CACNA2D3: variants seen among roughly 807,000 people sequenced by gnomAD.
The protein encoded by CACNA2D3 is voltage-dependent calcium channel subunit alpha-2/delta-3.
CACNA2D3 carries 60 observed loss-of-function variants against 160.6 expected under a neutral mutation model. The observed-to-expected ratio is 0.37, with a 90% CI of 0.30 to 0.46. The LOEUF is 0.46. Ranked by LOEUF, CACNA2D3 falls within the 20% of genes least tolerant of loss-of-function variation. The pLI is 1.00. For missense variants in CACNA2D3, 1,205 were observed against 1,365.0 expected (o/e 0.88, Z 1.85); for synonymous variants, 558 against 492.9 (o/e 1.13, Z -1.75).
chr3:54,617,481 G>A (rs1698878434), intron 9 of CACNA2D3, among the ~76,000 whole-genome samples: 1 of 152,136 alleles, frequency 6.6e-6, no homozygotes, highest in African/African-American at 2.4e-5. Flanking sequence ...ATTGGCTCAG[G>A]CCCAGACACA....
intron 13 of CACNA2D3, among the ~76,000 whole-genome samples, chr3:54,780,784 G>T (rs1253706080): frequency 6.6e-6 from 1 of 152,142 alleles, no homozygotes; most frequent in Non-Finnish European, 1.5e-5. Flanking sequence ...TAATGAATTA[G>T]CATTTCAACT....
intron 3 of CACNA2D3, among the ~76,000 whole-genome samples, chr3:54,338,174 A>G (rs575057467): frequency 7.5e-4 from 114 of 152,374 alleles, no homozygotes; most frequent in Non-Finnish European, 1.5e-3. Flanking sequence ...AATTACAGCA[A>G]TCACTGGCGC....
At chr3:55,044,825 A>C (rs2107196140) in intron 35 of CACNA2D3, among the ~76,000 whole-genome samples, 1 of 152,272 alleles carries the variant, frequency 6.6e-6, no homozygotes, top group African/African-American at 2.4e-5. Flanking sequence ...CTCTTTTATC[A>C]AAAAAGGTTG....
intron 11 of CACNA2D3, among the ~76,000 whole-genome samples, chr3:54,733,714 TA>T (rs1206878324): frequency 1.3e-5 from 2 of 152,180 alleles, no homozygotes; most frequent in African/African-American, 4.8e-5. Flanking sequence ...TGGAAAATGA[TA>T]AAGGGAAGTT....
intron 17 of CACNA2D3, among the ~76,000 whole-genome samples, chr3:54,863,723 A>T (rs73843728): frequency 0.11 from 15,472 of 146,196 alleles, 1,141 homozygotes; most frequent in East Asian, 0.33. Context: ...GTTTTTTTTT[A>T]AAAAAAAAAT....
chr3:54,795,668 A>G (rs541217516), intron 13 of CACNA2D3, among the ~76,000 whole-genome samples: 26 of 152,274 alleles, frequency 1.7e-4, no homozygotes, highest in East Asian at 9.7e-4. Context: ...TGAGAATCCA[A>G]TTGGCATTTG....
At chr3:54,642,844 A>G (rs980987823) in intron 11 of CACNA2D3, among the ~76,000 whole-genome samples, 1 of 152,210 alleles carries the variant, frequency 6.6e-6, no homozygotes, top group African/African-American at 2.4e-5. Flanking sequence ...CTGAACTCAG[A>G]GGTTTCTCAA....
intron 35 of CACNA2D3, among the ~76,000 whole-genome samples, chr3:55,035,516 T>C (rs1559470037): frequency 6.6e-6 from 1 of 152,208 alleles, no homozygotes; most frequent in East Asian, 1.9e-4. Context: ...AGTCACACAG[T>C]TCTCTGAGCA....
chr3:54,729,305 G>A (rs1381354666), intron 11 of CACNA2D3, among the ~76,000 whole-genome samples: 1 of 152,178 alleles, frequency 6.6e-6, no homozygotes, highest in Non-Finnish European at 1.5e-5. Flanking sequence ...ATTATTTTCA[G>A]TATAGGATCT....
intron 13 of CACNA2D3, among the ~76,000 whole-genome samples, chr3:54,778,094 GC>G (rs1282156031): frequency 6.6e-6 from 1 of 152,086 alleles, no homozygotes; most frequent in African/African-American, 2.4e-5. Flanking sequence ...CTTCCACATG[GC>G]AGAAGGCAAA....
At chr3:54,332,070 C>G (rs899706469) in intron 3 of CACNA2D3, among the ~76,000 whole-genome samples, 2 of 152,110 alleles carry the variant, frequency 1.3e-5, no homozygotes, top group African/African-American at 4.8e-5. Flanking sequence ...TGCGCAGGCA[C>G]CTTATAGAAA....
At chr3:54,477,909 C>T (rs1700858459) in intron 4 of CACNA2D3, among the ~76,000 whole-genome samples, 1 of 152,180 alleles carries the variant, frequency 6.6e-6, no homozygotes, top group South Asian at 2.1e-4. Flanking sequence ...GCAGGATATT[C>T]ACTTGGGATA....
intron 11 of CACNA2D3, among the ~76,000 whole-genome samples, chr3:54,726,925 A>C (rs1236289641): frequency 6.6e-6 from 1 of 152,256 alleles, no homozygotes; most frequent in African/African-American, 2.4e-5. Context: ...GGAGCTAATT[A>C]AACTAAAGAG....
chr3:54,303,871 G>A (rs1330595441), intron 2 of CACNA2D3, among the ~76,000 whole-genome samples: 1 of 132,544 alleles, frequency 7.5e-6, no homozygotes, highest in South Asian at 2.6e-4. Flanking sequence ...GGGAGGGATT[G>A]CCTTGTGGGG....
intron 4 of CACNA2D3, among the ~76,000 whole-genome samples, chr3:54,481,722 A>G (rs1000346764): frequency 6.6e-5 from 10 of 152,238 alleles, no homozygotes; most frequent in Admixed American, 6.5e-5. Flanking sequence ...CCATTTGCTT[A>G]GGCTTTATGA....
chr3:54,916,215 CG>C (rs1700655927), intron 27 of CACNA2D3, among the ~76,000 whole-genome samples: 1 of 152,130 alleles, frequency 6.6e-6, no homozygotes. Context: ...ACACGGTACA[CG>C]GTGTGAGCTC....
intron 11 of CACNA2D3, among the ~76,000 whole-genome samples, chr3:54,712,036 A>G (rs1015607612): frequency 2.0e-5 from 3 of 152,212 alleles, no homozygotes; most frequent in Non-Finnish European, 4.4e-5. Context: ...GCCTACTATT[A>G]TAAGAGGGCT....
At chr3:54,954,809 A>C (rs9858153) in intron 27 of CACNA2D3, among the ~76,000 whole-genome samples, 2 of 152,208 alleles carry the variant, frequency 1.3e-5, no homozygotes, top group Admixed American at 1.3e-4. Context: ...CTGAGGGAAC[A>C]GAGAAGAGCC....
chr3:54,195,012 C>T (rs1182369392), intron 2 of CACNA2D3, among the ~76,000 whole-genome samples: 1 of 152,210 alleles, frequency 6.6e-6, no homozygotes, highest in Non-Finnish European at 1.5e-5. Context: ...CTCACATGGC[C>T]ACCCATCCAA....
Sources: allele counts gnomAD v4.1 joint callset (sites outside exome capture counted in the v4.1 genomes callset), GRCh38; gene constraint gnomAD v4.1.1; transcripts MANE v1.5; gene names NCBI Gene and HGNC (gene_info 2026-07-23, HGNC 2026-07-21).